The following PPARGC1A variants were observed in gnomAD, a reference collection of about 807,000 sequenced individuals.
PPARGC1A encodes PPARG coactivator 1 alpha, also known as peroxisome proliferator-activated receptor gamma coactivator 1-alpha.
In PPARGC1A, 25 loss-of-function variants were observed where a neutral mutation model predicts 88.7. The observed-to-expected ratio is 0.28, with a 90% CI of 0.21 to 0.39. The LOEUF is 0.39. Among genes scored for constraint, PPARGC1A ranks in the 10% least tolerant of loss-of-function variants. The pLI is 1.00. For missense variants in PPARGC1A, 880 were observed against 968.7 expected (o/e 0.91, Z 1.22); for synonymous variants, 363 against 355.6 (o/e 1.02, Z -0.24).
the PPARGC1A span, among the ~76,000 whole-genome samples, chr4:23,930,665 C>A: frequency 3.3e-5 from 5 of 152,180 alleles, no homozygotes; most frequent in Non-Finnish European, 7.4e-5. Flanking sequence ...AAACCAGTAG[C>A]ACCCTTCAGG....
intron 2 of PPARGC1A, among the ~76,000 whole-genome samples, chr4:23,864,625 A>G (rs552721135): frequency 2.6e-5 from 4 of 152,344 alleles, no homozygotes; most frequent in Admixed American, 6.5e-5. Flanking sequence ...CAGACTGTAC[A>G]TGGAGAACAA....
the PPARGC1A span, among the ~76,000 whole-genome samples, chr4:24,142,562 T>C: frequency 6.6e-6 from 1 of 152,004 alleles, no homozygotes. Flanking sequence ...TTATCCCAGC[T>C]ACTTGGGTGG....
the PPARGC1A span, among the ~76,000 whole-genome samples, chr4:24,108,657 A>G: frequency 6.6e-6 from 1 of 152,112 alleles, no homozygotes; most frequent in Non-Finnish European, 1.5e-5. Flanking sequence ...AGGCCCAGAA[A>G]GATCAAATAA....
At chr4:24,028,880 C>A in the PPARGC1A span, among the ~76,000 whole-genome samples, 1 of 152,018 alleles carries the variant, frequency 6.6e-6, no homozygotes, top group Non-Finnish European at 1.5e-5. Flanking sequence ...AACAATAAGA[C>A]TTGGATTTTC....
the PPARGC1A span, among the ~76,000 whole-genome samples, chr4:23,920,784 G>A: frequency 2.6e-5 from 4 of 152,246 alleles, no homozygotes; most frequent in South Asian, 6.2e-4. Context: ...CAGTGTCAGC[G>A]CTTGCCCTGC....
the PPARGC1A span, among the ~76,000 whole-genome samples, chr4:24,390,259 G>A: frequency 6.6e-6 from 1 of 152,002 alleles, no homozygotes; most frequent in Non-Finnish European, 1.5e-5. Flanking sequence ...AAATACAAAT[G>A]AAGAGAAGAT....
chr4:24,421,243 T>C, the PPARGC1A span, among the ~76,000 whole-genome samples: 466 of 152,232 alleles, frequency 3.1e-3, 2 homozygotes, highest in African/African-American at 0.011. Context: ...TCCCAAATAT[T>C]GTATGGGATA....
the PPARGC1A span, among the ~76,000 whole-genome samples, chr4:24,296,206 T>C: frequency 6.7e-6 from 1 of 149,524 alleles, no homozygotes; most frequent in African/African-American, 2.4e-5. Context: ...TGTGTGTGTA[T>C]ATATATATAT....
chr4:23,822,137 G>T (rs1292892387), intron 7 of PPARGC1A, among the ~76,000 whole-genome samples: 1 of 152,080 alleles, frequency 6.6e-6, no homozygotes, highest in Non-Finnish European at 1.5e-5. Context: ...ATGTAGAAAA[G>T]AGTCTTAGCA....
At chr4:24,224,801 TG>T in the PPARGC1A span, among the ~76,000 whole-genome samples, 34 of 152,166 alleles carry the variant, frequency 2.2e-4, no homozygotes, top group Middle Eastern at 6.8e-3. Context: ...TGAGAGTATT[TG>T]GGGGTAAGAG....
At chr4:23,889,880 G>T in intron 1 of PPARGC1A, 24 bp downstream of exon 1, 1 of 1,611,740 alleles carries the variant, frequency 6.2e-7, no homozygotes. Context: ...TGTGGCTGCA[G>T]CGCCGAGCCC....
At chr4:24,331,826 T>C in the PPARGC1A span, among the ~76,000 whole-genome samples, 1 of 151,852 alleles carries the variant, frequency 6.6e-6, no homozygotes, top group Admixed American at 6.6e-5. Context: ...TGCAGGTTTG[T>C]TACATAAGTA....
the PPARGC1A span, among the ~76,000 whole-genome samples, chr4:24,182,652 A>T: frequency 1.3e-5 from 2 of 152,242 alleles, no homozygotes; most frequent in Admixed American, 1.3e-4. Flanking sequence ...CAGCCTCGCC[A>T]GCATCTGTTG....
chr4:23,916,621 G>C, the PPARGC1A span, among the ~76,000 whole-genome samples: 1 of 151,952 alleles, frequency 6.6e-6, no homozygotes, highest in Non-Finnish European at 1.5e-5. Flanking sequence ...AGTAAATAAA[G>C]ATCTATATCA....
chr4:23,824,633 A>C (rs1182471043), intron 5 of PPARGC1A, 125 bp from the exon 6 acceptor site: 1 of 836,220 alleles, frequency 1.2e-6, no homozygotes, highest in East Asian at 2.5e-5. Flanking sequence ...GAATTCTCTG[A>C]ATATTGAATC....
chr4:23,904,447 G>T (rs1719793014), upstream of PPARGC1A, among the ~76,000 whole-genome samples: 2 of 152,108 alleles, frequency 1.3e-5, no homozygotes, highest in Non-Finnish European at 1.5e-5. Context: ...ACCCATTCAG[G>T]ACATCCATCC....
At chr4:24,075,708 C>A in the PPARGC1A span, among the ~76,000 whole-genome samples, 1 of 152,070 alleles carries the variant, frequency 6.6e-6, no homozygotes. Context: ...CCTGTGCATG[C>A]TCTTTCCTTG....
chr4:24,128,762 C>T, the PPARGC1A span, among the ~76,000 whole-genome samples: 1 of 152,132 alleles, frequency 6.6e-6, no homozygotes, highest in East Asian at 1.9e-4. Context: ...TTAAAAGCAG[C>T]TTCAGTCTGG....
At chr4:24,104,727 G>A in the PPARGC1A span, among the ~76,000 whole-genome samples, 1 of 152,192 alleles carries the variant, frequency 6.6e-6, no homozygotes, top group African/African-American at 2.4e-5. Flanking sequence ...GTGACGAGAT[G>A]TGGAAGAAGG....
Sources: gnomAD v4.1 joint callset for allele counts (sites outside exome capture counted in the v4.1 genomes callset) on GRCh38, gnomAD v4.1.1 for gene constraint, MANE v1.5 for transcripts, NCBI Gene and HGNC (gene_info 2026-07-23, HGNC 2026-07-21) for gene names.